ENKUR: variants seen among roughly 807,000 people sequenced by gnomAD.
ENKUR encodes enkurin, TRPC channel interacting protein.
Under a neutral mutation model 27.6 loss-of-function variants are expected in ENKUR, and 19 were observed. The observed-to-expected ratio is 0.69, with a 90% CI of 0.48 to 1.01. The LOEUF (loss-of-function observed/expected upper bound fraction) is 1.01. Among genes scored for constraint, ENKUR ranks in the 50% least tolerant of loss-of-function variants. ENKUR has a pLI of 0.00. For synonymous variants in ENKUR, 117 were observed against 96.9 expected (o/e 1.21, Z -1.22); for missense variants, 312 against 310.5 (o/e 1.00, Z -0.04).
At chr10:25,024,598 G>A in intron 2 of ENKUR, 1 of 1,614,162 alleles carries the variant, frequency 6.2e-7, no homozygotes, top group Non-Finnish European at 8.5e-7. Flanking sequence ...CTTTCTTACT[G>A]TGGAATATGG....
intron 2 of ENKUR, among the ~76,000 whole-genome samples, chr10:25,048,525 G>A (rs1564357286): frequency 6.6e-6 from 1 of 151,908 alleles, no homozygotes; most frequent in Non-Finnish European, 1.5e-5. Flanking sequence ...TCTCCATGGG[G>A]AAGCACAGTC....
chr10:25,015,899 AG>A lies in ENKUR; in HGVS notation c.37del (p.Leu13SerfsTer6), dbSNP rs2132731029. 2 of 1,607,862 alleles carry A rather than the reference AG, an allele frequency of 1.2e-6. No homozygotes were observed. The highest frequency in any genetic ancestry group is 1.7e-5 in the Admixed American group (1 of 59,202). On this transcript the variant is annotated frameshift_variant, in exon 1 of 6. Transcript: ENST00000331161. LOFTEE classifies it high-confidence loss of function. ...PTCSSECIYN[L>X]IPSDLKEPPQ... ...AGGCTCCTTCAAGTCACTGGGTATGAGGTTATAAATGCACTCAGAAGAGCAC... is the reference window on the plus strand; with the variant it reads ...AGGCTCCTTCAAGTCACTGGGTATGAGTTATAAATGCACTCAGAAGAGCAC...
chr10:25,033,482 T>C (rs1331123370), intron 2 of ENKUR, among the ~76,000 whole-genome samples: 2 of 151,928 alleles, frequency 1.3e-5, no homozygotes, highest in African/African-American at 2.4e-5. Flanking sequence ...TTTTTATAGA[T>C]TTATAATGCA....
intron 1 of ENKUR, among the ~76,000 whole-genome samples, chr10:25,012,430 A>T (rs1013354621): frequency 6.6e-6 from 1 of 152,172 alleles, no homozygotes; most frequent in Admixed American, 6.5e-5. Flanking sequence ...CTCAATGCCC[A>T]CCCATGAAAG....
chr10:24,997,649 A>G (rs1022240003), intron 2 of ENKUR, among the ~76,000 whole-genome samples: 4 of 152,092 alleles, frequency 2.6e-5, no homozygotes, highest in East Asian at 1.9e-4. Context: ...TTGGCCTCCC[A>G]AAGTGCTGGG....
intron 4 of ENKUR, 95 bp downstream of exon 4, chr10:24,990,368 C>T (rs1259988223): frequency 1.4e-6 from 2 of 1,458,456 alleles, no homozygotes; most frequent in African/African-American, 2.8e-5. Flanking sequence ...ATTTCAAAAT[C>T]CAAGTGCTGA....
At chr10:25,002,918 G>T (rs567840954) in intron 1 of ENKUR, among the ~76,000 whole-genome samples, 1 of 149,372 alleles carries the variant, frequency 6.7e-6, no homozygotes, top group African/African-American at 2.5e-5. Flanking sequence ...AATTTCATTT[G>T]GGGTAAAAAA....
chr10:25,024,219 C>T, intron 2 of ENKUR: 6 of 1,614,170 alleles, frequency 3.7e-6, no homozygotes, highest in Non-Finnish European at 5.1e-6. Flanking sequence ...CTGTCAGGCA[C>T]CTTTCAGGCA....
In ENKUR at chr10:24,988,242, A is replaced by ATATATATGTGTATATATATATT. The variant is rs1849823025; in HGVS notation, c.594+2220_594+2221insAATATATATATACACATATATA. 2.8e-5 allele frequency among the ~76,000 whole-genome samples: 4 copies of ATATATATGTGTATATATATATT among 145,046 alleles called. No individual in the cohort carries two copies. In the South Asian group the frequency reaches 8.4e-4, roughly 31 times the overall value. ...TCATCTCAAAAAAAAATGTATATAT[A>ATATATATGTGTATATATATATT]TATATATATGTGTATATATATATTT... is the stretch of plus-strand genomic sequence containing the variant. On this transcript the variant is annotated intron_variant, in intron 4 of 5. Coordinates refer to ENST00000331161, the MANE Select transcript of ENKUR (RefSeq NM_145010.4).
chr10:25,019,969 C>T (rs1447830509), upstream of ENKUR, among the ~76,000 whole-genome samples: 1 of 151,934 alleles, frequency 6.6e-6, no homozygotes, highest in Non-Finnish European at 1.5e-5. Context: ...CCCGAGTGGC[C>T]ATTGCAGCAG....
intron 4 of ENKUR, among the ~76,000 whole-genome samples, chr10:24,986,949 C>G (rs1849793213): frequency 2.0e-5 from 3 of 152,110 alleles, no homozygotes; most frequent in African/African-American, 7.2e-5. Context: ...AAAATTCAGA[C>G]AGGGAGAAGT....
chr10:24,995,555 G>T, intron 3 of ENKUR, 91 bp downstream of exon 3: 1 of 1,119,814 alleles, frequency 8.9e-7, no homozygotes, highest in Non-Finnish European at 1.3e-6. Flanking sequence ...TCCAATGAGA[G>T]CACTAATAAT....
chr10:24,996,370 C>T (rs546203409), intron 2 of ENKUR, among the ~76,000 whole-genome samples: 3 of 151,790 alleles, frequency 2.0e-5, no homozygotes, highest in South Asian at 2.1e-4. Context: ...TGCAGTGAAC[C>T]GAGATCATGC....
At chr10:25,016,291 G>T, upstream of ENKUR, 2 of 505,914 alleles carry the variant, frequency 4.0e-6, no homozygotes, top group Non-Finnish European at 5.2e-6. Flanking sequence ...GTTTTTACGT[G>T]CCTTTGAAAG....
At chr10:24,996,759 T>C (rs536170330) in intron 2 of ENKUR, among the ~76,000 whole-genome samples, 1 of 152,320 alleles carries the variant, frequency 6.6e-6, no homozygotes, top group African/African-American at 2.4e-5. Flanking sequence ...GCAAAGCCAA[T>C]ACTTACAGTT....
intron 2 of ENKUR, chr10:25,024,215 G>A: frequency 6.2e-7 from 1 of 1,614,200 alleles, no homozygotes; most frequent in Non-Finnish European, 8.5e-7. Flanking sequence ...GCTCCTGTCA[G>A]GCACCTTTCA....
upstream of ENKUR, among the ~76,000 whole-genome samples, chr10:25,019,046 A>G (rs1850668210): frequency 6.6e-6 from 1 of 152,218 alleles, no homozygotes; most frequent in South Asian, 2.1e-4. Context: ...AAAGTTTGAG[A>G]GAATTTTTGG....
At chr10:25,017,523 A>C (rs1406951718), upstream of ENKUR, among the ~76,000 whole-genome samples, 1 of 151,750 alleles carries the variant, frequency 6.6e-6, no homozygotes, top group African/African-American at 2.4e-5. Context: ...TGGCCTGGTG[A>C]ACCTTTTAGT....
At chr10:24,988,919 C>T (rs1321494100) in intron 4 of ENKUR, among the ~76,000 whole-genome samples, 1 of 151,612 alleles carries the variant, frequency 6.6e-6, no homozygotes. Flanking sequence ...AGGAGGCCAG[C>T]CGGTGGCTTT....
Sources: gnomAD v4.1 joint callset for allele counts (sites outside exome capture counted in the v4.1 genomes callset) on GRCh38, gnomAD v4.1.1 for gene constraint, MANE v1.5 for transcripts, NCBI Gene and HGNC (gene_info 2026-07-23, HGNC 2026-07-21) for gene names.